Variants in SON observed in about 807,000 individuals in gnomAD.
SON encodes the protein SON DNA and RNA binding protein, also known as protein SON.
Under a neutral mutation model 173.3 loss-of-function variants are expected in SON, and 4 were observed. The ratio of observed to expected loss-of-function variants is 0.02; its 90% CI spans 0.01 to 0.05. SON has a LOEUF of 0.05. Among genes scored for constraint, SON ranks in the 10% least tolerant of loss-of-function variants. The pLI is 1.00. For missense variants in SON, 2,626 were observed against 3,055.3 expected, an observed-to-expected ratio of 0.86 and a Z score of 3.31; for synonymous variants, 1,190 against 1,105.9, an observed-to-expected ratio of 1.08 and a Z score of -1.51.
intron 2 of SON, among the ~76,000 whole-genome samples, chr21:33,548,720 A>G (rs1449360410): frequency 6.6e-6 from 1 of 152,244 alleles, no homozygotes; most frequent in Non-Finnish European, 1.5e-5. Context: ...TCTGTTCCAG[A>G]GCCAGTGCCA....
At chr21:33,567,537 G>A in intron 7 of SON, 2 of 398,832 alleles carry the variant, frequency 5.0e-6, no homozygotes, top group Non-Finnish European at 9.4e-6. Context: ...TTTACAATCT[G>A]GTGTATAAAA....
At chr21:33,544,183 TG>T (rs2085550727) in intron 1 of SON, among the ~76,000 whole-genome samples, 1 of 152,318 alleles carries the variant, frequency 6.6e-6, no homozygotes, top group South Asian at 2.1e-4. Context: ...GAAAACCAGT[TG>T]TAAGTGCCCA....
rs773405864 is a variant in SON at position 33,553,444 on chromosome 21, A to G, written c.4213A>G (p.Ile1405Val). The G allele has an allele frequency of 1.1e-5, 17 of 1,614,140 alleles. No homozygotes were observed. The highest frequency in any genetic ancestry group is 5.0e-5 in the Admixed American group (3 of 60,026). The part of the protein sequence containing the change: ...PVVAEPDYVT[I>V]PVPVVSALEP... ...TGTGGCTGAGCCAGACTATGTTACC[A>G]TTCCTGTGCCAGTTGTTTCTGCGCT... Residue 1405 changes from isoleucine to valine, a missense_variant, in exon 3 of 12, where the codon ATT becomes GTT. By Grantham distance (29) the Ile-to-Val change is conservative (BLOSUM62 3). Transcript: ENST00000356577.
rs910122030 is a variant in SON at position 33,568,957 on chromosome 21, C to G, written c.6769-14C>G. 5 of 1,532,508 alleles carry G rather than the reference C, an allele frequency of 3.3e-6. No homozygotes were observed. The highest frequency in any genetic ancestry group is 4.5e-6 in the Non-Finnish European group (5 of 1,111,434). The allele number at this position is 1,532,508 out of a possible 1,614,324, so 94.9% of individuals were successfully genotyped here. ...AATTTTACTTAGTTAACTGAGACTA[C>G]TTCTTTTCTTCAGATTGATGCCTGG... On this transcript the variant is annotated splice_polypyrimidine_tract_variant and intron_variant, in intron 7 of 11. Coordinates refer to ENST00000356577, the MANE Select transcript of SON (RefSeq NM_138927.4).
At chr21:33,567,710 C>G (rs537622619) in intron 7 of SON, among the ~76,000 whole-genome samples, 2 of 152,050 alleles carry the variant, frequency 1.3e-5, no homozygotes, top group Non-Finnish European at 2.9e-5. Flanking sequence ...GTCAGGAGTT[C>G]AAGACCAGCC....
At chr21:33,557,614 A>G (rs2085992926) in intron 4 of SON, 3 of 1,548,814 alleles carry the variant, frequency 1.9e-6, no homozygotes, top group Admixed American at 2.0e-5. Flanking sequence ...AGTGAGCAAC[A>G]CGCAGAAGCT....
In SON at chr21:33,551,247, C is replaced by A. The variant is rs1404175322; in HGVS notation, c.2016C>A (p.Ser672=). 1.9e-6 allele frequency: 3 copies of A among 1,613,876 alleles called. No homozygotes were observed. Among genetic ancestry groups the A allele is most frequent in the Non-Finnish European group, 2.5e-6 (3 of 1,179,960 alleles). ...TGTCAACGATGACCGTGTCGCAGTC[C>A]CTGGAGGTGCCCTCGACGACAGCGC... The part of the protein sequence containing the change: ...SELSTMTVSQ[S]LEVPSTTALE... The change falls in exon 3 of 12, where the codon TCC becomes TCA. Residue 672 remains serine, a synonymous_variant. Transcript: ENST00000356577.
At chr21:33,548,228 C>A (rs1020918740) in intron 2 of SON, among the ~76,000 whole-genome samples, 3 of 151,620 alleles carry the variant, frequency 2.0e-5, no homozygotes, top group African/African-American at 2.4e-5. Context: ...AATCAGTATT[C>A]TTTTCTAAAA....
chr21:33,576,849 TA>T lies in SON; in HGVS notation c.*428del. Reference sequence around the variant, plus strand: ...CAGAGTAATCTTCAGTGTGGAATGTTAAATAACGCTTTTATACTGTATTTTG... The same window carrying T: ...CAGAGTAATCTTCAGTGTGGAATGTTAATAACGCTTTTATACTGTATTTTG... On this transcript the variant is annotated 3_prime_UTR_variant, in exon 12 of 12. Transcript: ENST00000356577. The T allele has an allele frequency of 6.3e-6, 2 of 318,540 alleles. No individual in the cohort carries two copies. Among genetic ancestry groups the T allele is most frequent in the Non-Finnish European group, 1.3e-5 (2 of 159,624 alleles). The allele number at this position is 318,540 out of a possible 1,614,324, so 19.7% of individuals were successfully genotyped here.
intron 2 of SON, among the ~76,000 whole-genome samples, chr21:33,548,930 A>G (rs1180935981): frequency 6.6e-6 from 1 of 152,206 alleles, no homozygotes; most frequent in Non-Finnish European, 1.5e-5. Context: ...ATGTAATTCA[A>G]AGTAAGTTTT....
At chr21:33,562,471 C>T (rs2086087583) in intron 6 of SON, among the ~76,000 whole-genome samples, 1 of 152,178 alleles carries the variant, frequency 6.6e-6, no homozygotes, top group Non-Finnish European at 1.5e-5. Context: ...CAGATTTTAT[C>T]TCCATAAGAG....
Position 33,573,309 on chromosome 21 carries a change from A to G in SON, c.6887A>G (p.Asp2296Gly). 6.2e-7 allele frequency: 1 copy of G among 1,609,150 alleles called. No individual in the cohort carries two copies. The highest frequency in any genetic ancestry group is 8.5e-7 in the Non-Finnish European group (1 of 1,178,204). ...NTGAQAWIKKDQFLRAAPVTG... is the reference protein window; with the variant it reads ...NTGAQAWIKKGQFLRAAPVTG... ...TTTTACCTTTCTTTCTTTGGATAGGATCAGTTCTTAAGAGCAGCCCCGGTA... is the reference window on the plus strand; with the variant it reads ...TTTTACCTTTCTTTCTTTGGATAGGGTCAGTTCTTAAGAGCAGCCCCGGTA... Residue 2296 changes from aspartate to glycine, a missense_variant and splice_region_variant, in exon 9 of 12, where the codon GAT (aspartate) becomes GGT (glycine). Asp to Gly is a moderately conservative substitution (Grantham distance 94, BLOSUM62 -1). Around this residue, in one of 13 missense-constraint regions of SON, gnomAD observed 9 missense variants for 100.5 expected, o/e 0.09. Transcript: ENST00000356577.
chr21:33,572,877 G>T, intron 8 of SON: 1 of 249,710 alleles, frequency 4.0e-6, no homozygotes, highest in Non-Finnish European at 8.0e-6. Context: ...CTTCTTCAGT[G>T]TCTAAACTAT....
In SON at chr21:33,550,863, G is replaced by A; in HGVS notation, c.1632G>A (p.Met544Ile). 2 of 1,612,958 alleles carry A rather than the reference G, an allele frequency of 1.2e-6. No homozygotes were observed. Among genetic ancestry groups the A allele is most frequent in the Admixed American group, 1.7e-5 (1 of 60,008 alleles). ...TGLLGQPEAT[M>I]VLELPGQPVA... The stretch of plus-strand genomic sequence containing the variant: ...TGCTGGGGCAGCCTGAGGCAACGAT[G>A]GTGCTGGAGTTGCCAGGACAGCCAG... The change falls in exon 3 of 12, where the codon ATG becomes ATA. Residue 544 changes from methionine (M) to isoleucine (I), a missense_variant. Transcript: ENST00000356577.
Position 33,554,914 on chromosome 21 carries a change from C to G in SON, c.5683C>G (p.Pro1895Ala). ...SVSKEKRKRS[P>A]KHRSKSRERK... ...ATCAAAAGAGAAGCGCAAAAGATCT[C>G]CAAAGCACAGATCCAAGTCTAGGGA... is the stretch of plus-strand genomic sequence containing the variant. The change falls in exon 3 of 12, where the codon CCA becomes GCA. Residue 1895 changes from proline to alanine, a missense_variant. This residue lies in a region of SON where 1,006 missense variants were observed against 895.6 expected (regional missense o/e 1.12). Coordinates refer to ENST00000356577, the MANE Select transcript of SON (RefSeq NM_138927.4). The G allele has an allele frequency of 6.2e-7, 1 of 1,614,036 alleles. No individual in the cohort carries two copies. The highest frequency in any genetic ancestry group is 8.5e-7 in the Non-Finnish European group (1 of 1,179,992).
intron 8 of SON, chr21:33,572,763 C>T: frequency 1.0e-5 from 3 of 296,574 alleles, no homozygotes; most frequent in Middle Eastern, 1.1e-3. Flanking sequence ...GTGTAAATTT[C>T]AAGAGTTTTT....
At chr21:33,563,883 G>T (rs1261365615) in intron 6 of SON, among the ~76,000 whole-genome samples, 2 of 152,168 alleles carry the variant, frequency 1.3e-5, no homozygotes, top group Non-Finnish European at 2.9e-5. Context: ...GAGAGAGAGT[G>T]AAGAATTTGG....
chr21:33,557,716 ATCTTTTGC>A, intron 4 of SON: 1 of 1,427,938 alleles, frequency 7.0e-7, no homozygotes, highest in Non-Finnish European at 9.2e-7. Context: ...TTCAGAAATG[ATCTTTTGC>A]CACCGGAGCT....
At chr21:33,562,066 T>C (rs557955266) in intron 6 of SON, among the ~76,000 whole-genome samples, 2 of 152,206 alleles carry the variant, frequency 1.3e-5, no homozygotes, top group Non-Finnish European at 2.9e-5. Context: ...TGCCTTTTGC[T>C]TTCATATCTG....
Sources: gnomAD v4.1 joint callset for allele counts (sites outside exome capture counted in the v4.1 genomes callset) on GRCh38, gnomAD v4.1.1 for gene constraint, gnomAD v4.1.1 regional missense constraint, MANE v1.5 for transcripts, NCBI Gene and HGNC (gene_info 2026-07-23, HGNC 2026-07-21) for gene names.